The following LPAR2 variants were observed in gnomAD, a reference collection of about 807,000 sequenced individuals.
LPAR2 encodes the protein G protein-coupled receptor.
A neutral mutation model predicts 15.6 loss-of-function variants in LPAR2; 10 were observed. The observed-to-expected ratio is 0.64, with a 90% CI of 0.39 to 1.09. The LOEUF (loss-of-function observed/expected upper bound fraction) is 1.09. Among genes scored for constraint, LPAR2 ranks in the 50% least tolerant of loss-of-function variants. The pLI, the probability that LPAR2 is intolerant of heterozygous loss-of-function variation, is 0.01. For missense variants in LPAR2, 413 were observed against 484.6 expected (o/e 0.85, Z 1.39); for synonymous variants, 204 against 207.4 (o/e 0.98, Z 0.14).
At position 19,626,863 on chromosome 19, in the gene LPAR2, C is replaced by A. The variant is rs753650665; in HGVS notation, c.422G>T (p.Arg141Leu). 7.5e-6 allele frequency: 12 copies of A among 1,593,280 alleles called. No individual in the cohort carries two copies. The highest frequency in any genetic ancestry group is 1.0e-5 in the Non-Finnish European group (12 of 1,170,796). ...CATGACCACGCGGCCACGGGGCAGG[C>A]GGCTGTGCAGCTGCACGGCCATCAC... Residue 141 changes from arginine to leucine, a missense_variant, in exon 2 of 3, where the codon CGC (arginine) becomes CTC (leucine). Arg to Leu is a moderately radical substitution (Grantham distance 102, BLOSUM62 -2). Transcript: ENST00000407877. This position sits in a 1 kb window ranked among gnomAD's most constrained non-coding sequence, Gnocchi z 5.3.
At position 19,626,155 on chromosome 19, in the gene LPAR2, T is replaced by C. The variant is rs2061738868; in HGVS notation, c.742+388A>G. 6.6e-6 allele frequency among the ~76,000 whole-genome samples: 1 copy of C among 152,170 alleles called. No individual in the cohort carries two copies. The highest frequency in any genetic ancestry group is 2.1e-4 in the South Asian group (1 of 4,832). On this transcript the variant is annotated intron_variant, in intron 2 of 2. Transcript: ENST00000407877. The surrounding 1 kb of genome is among the most constrained non-coding windows in gnomAD (Gnocchi z 5.3). ...GCCTCGGCCTCCCAAAGTGCTGGGA[T>C]TACAGGCGTGAGCCACTGTGCCCGG...
chr19:19,627,729 T>G lies in LPAR2; in HGVS notation c.-1+363A>C, dbSNP rs2061750265. The G allele has an allele frequency of 5.1e-6, 1 of 195,280 alleles. No individual in the cohort carries two copies. Among genetic ancestry groups the G allele is most frequent in the South Asian group, 8.7e-5 (1 of 11,516 alleles). 12.1% of individuals were successfully genotyped at this position (195,280 alleles called of 1,614,324 possible). On this transcript the variant is annotated intron_variant, in intron 1 of 2. Coordinates refer to ENST00000407877, the MANE Select transcript of LPAR2 (RefSeq NM_004720.7). This position sits in a 1 kb window ranked among gnomAD's most constrained non-coding sequence, Gnocchi z 4.7. Reference sequence around the variant, plus strand: ...TAGGGAGCAGAGACCCGGGAGCGTGTGCACACAAGGGTGAGGTCACTTGCT... The same window carrying G: ...TAGGGAGCAGAGACCCGGGAGCGTGGGCACACAAGGGTGAGGTCACTTGCT...
Position 19,627,422 on chromosome 19 carries a change from G to A in LPAR2, c.1-138C>T, listed in dbSNP as rs1169728180. 7 of 854,336 alleles carry A rather than the reference G, an allele frequency of 8.2e-6. No individual in the cohort carries two copies. The highest frequency in any genetic ancestry group is 6.7e-5 in the South Asian group (4 of 59,692). The allele number at this position is 854,336 out of a possible 1,614,324, so 52.9% of individuals were successfully genotyped here. On this transcript the variant is annotated intron_variant, in intron 1 of 2. Transcript: ENST00000407877. This position sits in a 1 kb window ranked among gnomAD's most constrained non-coding sequence, Gnocchi z 4.7. ...CTCGAAGCAAAGTGGCAGTGGTGAG[G>A]ACTACGGTGGCCTGGAAAAAGCAAG...
rs2061746985 is a variant in LPAR2, at chr19:19,627,229, T to C, written c.56A>G (p.Asn19Ser). 6.2e-7 allele frequency: 1 copy of C among 1,610,238 alleles called. No individual in the cohort carries two copies. The highest frequency in any genetic ancestry group is 1.1e-5 in the South Asian group (1 of 91,080). Residue 19 changes from asparagine (N) to serine (S), a missense_variant, in exon 2 of 3, where the codon AAC becomes AGC. Coordinates refer to ENST00000407877, the MANE Select transcript of LPAR2 (RefSeq NM_004720.7). This position sits in a 1 kb window ranked among gnomAD's most constrained non-coding sequence, Gnocchi z 4.7. Reference sequence around the variant, plus strand: ...GTGGGAGCTGAGCTCTTTGCCACTGTTGTTATAGAAGAAGCCGATGGTCTC... The same window carrying C: ...GTGGGAGCTGAGCTCTTTGCCACTGCTGTTATAGAAGAAGCCGATGGTCTC...
At chr19:19,625,084 T>C (rs2061733453) in intron 2 of LPAR2, among the ~76,000 whole-genome samples, 1 of 151,476 alleles carries the variant, frequency 6.6e-6, no homozygotes, top group Non-Finnish European at 1.5e-5. Flanking sequence ...CCTCCCGAAG[T>C]GTTGGGATTA....
chr19:19,627,515 G>A lies in LPAR2; in HGVS notation c.1-231C>T. The A allele has an allele frequency of 1.8e-6, 1 of 547,380 alleles. No homozygotes were observed. The highest frequency in any genetic ancestry group is 3.3e-6 in the Non-Finnish European group (1 of 306,140). 33.9% of individuals were successfully genotyped at this position (547,380 alleles called of 1,614,324 possible). On this transcript the variant is annotated intron_variant, in intron 1 of 2. Coordinates refer to ENST00000407877, the MANE Select transcript of LPAR2 (RefSeq NM_004720.7). The surrounding 1 kb of genome is among the most constrained non-coding windows in gnomAD (Gnocchi z 4.7). Reference sequence around the variant, plus strand: ...ACCTACTAATAAGACCTGTGTGCAAGACATCACCCAAGTCAATAGGTTTTT... The same window carrying A: ...ACCTACTAATAAGACCTGTGTGCAAAACATCACCCAAGTCAATAGGTTTTT...
rs1462257239 is a variant in LPAR2, at chr19:19,624,292, G to A, written c.1020C>T (p.Pro340=). 1.3e-5 allele frequency: 21 copies of A among 1,610,652 alleles called. No individual in the cohort carries two copies. The highest frequency in any genetic ancestry group is 4.5e-5 in the East Asian group (2 of 44,772). ...AGTCCATCAGTGGGTGGCCGTTCTC[G>A]GGAAGCATGATGCGAGTGCTGGCAC... is the stretch of plus-strand genomic sequence containing the variant. Residue 340 remains proline, a synonymous_variant, in exon 3 of 3, where the codon CCC becomes CCT. Transcript: ENST00000407877.
In LPAR2 at chr19:19,627,126, G is replaced by A. The variant is rs768817140; in HGVS notation, c.159C>T (p.Val53=). 1 of 1,612,784 alleles carries A rather than the reference G, an allele frequency of 6.2e-7. No individual in the cohort carries two copies. The highest frequency in any genetic ancestry group is 1.1e-5 in the South Asian group (1 of 90,996). ...GGCGGTTGGAGGCGATGGCTGCTAT[G>A]ACCAGCAGATTGGTCAGCAGCACCA... The change falls in exon 2 of 3, where the codon GTC becomes GTT. Residue 53 remains valine, a synonymous_variant. Transcript: ENST00000407877. This position sits in a 1 kb window ranked among gnomAD's most constrained non-coding sequence, Gnocchi z 4.7.
intron 1 of LPAR2, 29 bp downstream of exon 1, chr19:19,628,047 GGCCCAGGCCCGCACCC>G: frequency 6.6e-6 from 1 of 152,644 alleles, no homozygotes; most frequent in South Asian, 2.1e-4. Context: ...CCTTCCCCCG[GGCCCAGGCCCGCACCC>G]GCCCGCCTCC....
Position 19,627,315 on chromosome 19 carries a change from A to C in LPAR2, c.1-31T>G. 1 of 1,576,250 alleles carries C rather than the reference A, an allele frequency of 6.3e-7. No individual in the cohort carries two copies. The highest frequency in any genetic ancestry group is 1.1e-5 in the South Asian group (1 of 88,436). ...GACACAAGAGATCAGTGCATGTGGC[A>C]CTTCTTGGAAGGACACAGGGAGGGG... On this transcript the variant is annotated intron_variant, in intron 1 of 2. Transcript: ENST00000407877. The surrounding 1 kb of genome is among the most constrained non-coding windows in gnomAD (Gnocchi z 4.7).
At position 19,627,015 on chromosome 19, in the gene LPAR2, G is replaced by C. The variant is rs1307793445; in HGVS notation, c.270C>G (p.Phe90Leu). 1 of 1,613,818 alleles carries C rather than the reference G, an allele frequency of 6.2e-7. No homozygotes were observed. Among genetic ancestry groups the C allele is most frequent in the South Asian group, 1.1e-5 (1 of 91,062 alleles). ...GTCGGGCTGTGCGGGGACCAGTGTG[G>C]AACATGAGGAAGAGGTAGGCCACGC... Residue 90 changes from phenylalanine (F) to leucine (L), a missense_variant, in exon 2 of 3, where the codon TTC (phenylalanine) becomes TTG (leucine). Phe to Leu is a conservative substitution (Grantham distance 22). Coordinates refer to ENST00000407877, the MANE Select transcript of LPAR2 (RefSeq NM_004720.7). The surrounding 1 kb of genome is among the most constrained non-coding windows in gnomAD (Gnocchi z 4.7).
At position 19,627,104 on chromosome 19, in the gene LPAR2, G is replaced by A. The variant is rs1222861210; in HGVS notation, c.181C>T (p.Arg61Cys). 1.9e-6 allele frequency: 3 copies of A among 1,611,820 alleles called. No individual in the cohort carries two copies. The highest frequency in any genetic ancestry group is 1.1e-5 in the South Asian group (1 of 91,004). Residue 61 changes from arginine to cysteine, a missense_variant, in exon 2 of 3, where the codon CGC becomes TGC. By Grantham distance (180) the Arg-to-Cys change is radical. Coordinates refer to ENST00000407877, the MANE Select transcript of LPAR2 (RefSeq NM_004720.7). The surrounding 1 kb of genome is among the most constrained non-coding windows in gnomAD (Gnocchi z 4.7). ...TAGTAGATGGGCTGGTGGAAGCGGC[G>A]GTTGGAGGCGATGGCTGCTATGACC...
chr19:19,627,270 G>C lies in LPAR2; in HGVS notation c.15C>G (p.Gly5=). Residue 5 remains glycine, a synonymous_variant, in exon 2 of 3, where the codon GGC becomes GGG. Transcript: ENST00000407877. This position sits in a 1 kb window ranked among gnomAD's most constrained non-coding sequence, Gnocchi z 4.7. ...CGATGGTCTCGTTGTAGTAGCACTG[G>C]CCCATGATGACCATCTGGGGACACA... 3 of 1,601,244 alleles carry C rather than the reference G, an allele frequency of 1.9e-6. No homozygotes were observed. Among genetic ancestry groups the C allele is most frequent in the Non-Finnish European group, 2.5e-6 (3 of 1,179,130 alleles).
chr19:19,626,697 C>A lies in LPAR2; in HGVS notation c.588G>T (p.Ser196=), dbSNP rs753995972. The change falls in exon 2 of 3, where the codon TCG becomes TCT. Residue 196 remains serine, a synonymous_variant. Transcript: ENST00000407877. The surrounding 1 kb of genome is among the most constrained non-coding windows in gnomAD (Gnocchi z 5.3). ...CCATGAGCAGGAAGACAAGCAGGCT[C>A]GACAGAGCCCAGACGGCCAAATAGG... is the stretch of plus-strand genomic sequence containing the variant. The A allele has an allele frequency of 6.2e-7, 1 of 1,613,516 alleles. No homozygotes were observed. Among genetic ancestry groups the A allele is most frequent in the Non-Finnish European group, 8.5e-7 (1 of 1,180,012 alleles).
chr19:19,627,336 A>T lies in LPAR2; in HGVS notation c.1-52T>A, dbSNP rs2061747641. On this transcript the variant is annotated intron_variant, in intron 1 of 2. Coordinates refer to ENST00000407877, the MANE Select transcript of LPAR2 (RefSeq NM_004720.7). The surrounding 1 kb of genome is among the most constrained non-coding windows in gnomAD (Gnocchi z 4.7). ...TGGCACTTCTTGGAAGGACACAGGG[A>T]GGGGCGGCAGCTGCAGAGGAGGGTC... 3.2e-6 allele frequency: 5 copies of T among 1,551,360 alleles called. No individual in the cohort carries two copies. The highest frequency in any genetic ancestry group is 4.3e-6 in the Non-Finnish European group (5 of 1,149,424).
chr19:19,626,525 C>A lies in LPAR2; in HGVS notation c.742+18G>T, dbSNP rs780139102. 6.3e-7 allele frequency: 1 copy of A among 1,576,730 alleles called. No individual in the cohort carries two copies. Among genetic ancestry groups the A allele is most frequent in the Admixed American group, 1.8e-5 (1 of 55,810 alleles). On this transcript the variant is annotated intron_variant, in intron 2 of 2. Transcript: ENST00000407877. This position sits in a 1 kb window ranked among gnomAD's most constrained non-coding sequence, Gnocchi z 5.3. Reference sequence around the variant, plus strand: ...GGGGGAAGCAGGGTCCCTGTTGCCCCCTGGGGGCCCCACTTACCCAGGATG... The same window carrying A: ...GGGGGAAGCAGGGTCCCTGTTGCCCACTGGGGGCCCCACTTACCCAGGATG...
At position 19,624,504 on chromosome 19, in the gene LPAR2, A is replaced by G; in HGVS notation, c.808T>C (p.Ser270Pro). 1 of 1,613,950 alleles carries G rather than the reference A, an allele frequency of 6.2e-7. No individual in the cohort carries two copies. The highest frequency in any genetic ancestry group is 1.1e-5 in the South Asian group (1 of 91,076). The change falls in exon 3 of 3, where the codon TCC becomes CCC. Residue 270 changes from serine to proline, a missense_variant. Ser to Pro is a moderately conservative substitution (Grantham distance 74). Coordinates refer to ENST00000407877, the MANE Select transcript of LPAR2 (RefSeq NM_004720.7). ...TTTTCTACAGCCAGGACATTGCAGG[A>G]CTCACAGCCTAAACCATCCAGGAGC...
In LPAR2 at chr19:19,626,514, C is replaced by A; in HGVS notation, c.742+29G>T. 1 of 1,558,506 alleles carries A rather than the reference C, an allele frequency of 6.4e-7. No homozygotes were observed. Among genetic ancestry groups the A allele is most frequent in the South Asian group, 1.2e-5 (1 of 82,824 alleles). ...TGTGGGAGATAGGGGGAAGCAGGGT[C>A]CCTGTTGCCCCCTGGGGGCCCCACT... On this transcript the variant is annotated intron_variant, in intron 2 of 2. Transcript: ENST00000407877. This position sits in a 1 kb window ranked among gnomAD's most constrained non-coding sequence, Gnocchi z 5.3.
Position 19,626,658 on chromosome 19 carries a change from G to C in LPAR2, c.627C>G (p.Thr209=). ...GCCGCCGCACGTAGAAGAAAATGCGGGTGTACACAGCCACCATGAGCAGGA... is the reference window on the plus strand; with the variant it reads ...GCCGCCGCACGTAGAAGAAAATGCGCGTGTACACAGCCACCATGAGCAGGA... Residue 209 remains threonine, a synonymous_variant, in exon 2 of 3, where the codon ACC becomes ACG. Transcript: ENST00000407877. The surrounding 1 kb of genome is among the most constrained non-coding windows in gnomAD (Gnocchi z 5.3). The C allele has an allele frequency of 6.2e-7, 1 of 1,613,490 alleles. No individual in the cohort carries two copies. The highest frequency in any genetic ancestry group is 8.5e-7 in the Non-Finnish European group (1 of 1,180,028).
Sources: gnomAD v4.1 joint callset for allele counts (sites outside exome capture counted in the v4.1 genomes callset) on GRCh38, gnomAD v4.1.1 for gene constraint, Gnocchi (gnomAD v3.1) non-coding constraint, MANE v1.5 for transcripts, NCBI Gene and HGNC (gene_info 2026-07-23, HGNC 2026-07-21) for gene names.